AGBL4: variants seen among roughly 807,000 people sequenced by gnomAD.
AGBL4 encodes the protein AGBL carboxypeptidase 4.
AGBL4 carries 58 observed loss-of-function variants against 66.4 expected under a neutral mutation model. That is an observed-to-expected ratio of 0.87 (90% CI 0.71 to 1.09). AGBL4 has a LOEUF of 1.09. Among genes scored for constraint, AGBL4 ranks in the 50% least tolerant of loss-of-function variants. AGBL4 has a pLI of 0.00. For synonymous variants in AGBL4, 234 were observed against 222.9 expected (o/e 1.05, Z -0.44); for missense variants, 579 against 631.0 (o/e 0.92, Z 0.88).
At chr1:48,546,096 A>AT (rs962725853) in intron 11 of AGBL4, among the ~76,000 whole-genome samples, 109 of 152,082 alleles carry the variant, frequency 7.2e-4, no homozygotes, top group African/African-American at 2.5e-3. Context: ...AGCAGGAACT[A>AT]TTTTTTTTAG....
chr1:48,599,503 G>A (rs1311741154), intron 9 of AGBL4, among the ~76,000 whole-genome samples: 2 of 152,212 alleles, frequency 1.3e-5, no homozygotes, highest in African/African-American at 4.8e-5. Flanking sequence ...GACCACCATT[G>A]TACATGTGGT....
chr1:49,515,169 A>G (rs1278876186), intron 3 of AGBL4, among the ~76,000 whole-genome samples: 1 of 152,118 alleles, frequency 6.6e-6, no homozygotes, highest in Non-Finnish European at 1.5e-5. Context: ...AGAATCTACA[A>G]TGAACTCAAA....
intron 2 of AGBL4, among the ~76,000 whole-genome samples, chr1:49,750,195 C>T (rs1375799157): frequency 6.6e-6 from 1 of 151,966 alleles, no homozygotes; most frequent in Admixed American, 6.6e-5. Context: ...AGCGGTATTA[C>T]CTAGGTTTTC....
chr1:49,235,786 A>G (rs75041001), intron 4 of AGBL4, among the ~76,000 whole-genome samples: 134 of 152,236 alleles, frequency 8.8e-4, no homozygotes, highest in African/African-American at 2.7e-3. Context: ...AGAGCACAGT[A>G]TGAAAATCAT....
Position 49,844,842 on chromosome 1 carries a change from T to C in AGBL4, c.157+6554A>G, listed in dbSNP as rs745686106. Reference sequence around the variant, plus strand: ...ACACTGTGGGCCACTGGGAATGGAGTTGTGAGAGCCTAGAGAGCCTGGCAG... The same window carrying C: ...ACACTGTGGGCCACTGGGAATGGAGCTGTGAGAGCCTAGAGAGCCTGGCAG... On this transcript the variant is annotated intron_variant, in intron 2 of 13. Coordinates refer to ENST00000371839, the MANE Select transcript of AGBL4 (RefSeq NM_032785.4). The C allele has an allele frequency of 3.3e-6, 5 of 1,514,414 alleles. 1 individual carries two copies. The East Asian group carries it at 1.1e-4, about 34-fold the overall frequency. 93.8% of individuals were successfully genotyped at this position (1,514,414 alleles called of 1,614,324 possible). A position where few individuals can be genotyped will look rare whatever the true frequency, so the allele number is the denominator to read the frequency against.
chr1:48,686,286 C>T (rs1340327792), intron 6 of AGBL4, among the ~76,000 whole-genome samples: 1 of 152,208 alleles, frequency 6.6e-6, no homozygotes, highest in Admixed American at 6.5e-5. Flanking sequence ...GGCTTACTTC[C>T]TCTGCTGAAG....
chr1:49,326,167 T>C (rs2148483817), intron 3 of AGBL4, among the ~76,000 whole-genome samples: 1 of 152,348 alleles, frequency 6.6e-6, no homozygotes, highest in South Asian at 2.1e-4. Flanking sequence ...GTCTTTCTTG[T>C]GGTCCAGGTC....
intron 4 of AGBL4, among the ~76,000 whole-genome samples, chr1:49,119,737 A>G (rs1205228077): frequency 6.6e-6 from 1 of 152,178 alleles, no homozygotes; most frequent in African/African-American, 2.4e-5. Context: ...AGCTGAGTCC[A>G]AGTCCTGGAT....
At chr1:49,478,379 C>G (rs1646887527) in intron 3 of AGBL4, among the ~76,000 whole-genome samples, 1 of 151,838 alleles carries the variant, frequency 6.6e-6, no homozygotes. Flanking sequence ...ATAAGGAATT[C>G]CAATATGTCT....
intron 5 of AGBL4, among the ~76,000 whole-genome samples, chr1:49,035,179 C>A (rs970143115): frequency 7.2e-5 from 11 of 152,058 alleles, no homozygotes; most frequent in African/African-American, 2.7e-4. Context: ...TTACTTTGGA[C>A]ACATCCTCCA....
At chr1:49,973,854 C>T (rs1030772914) in intron 1 of AGBL4, among the ~76,000 whole-genome samples, 4 of 151,424 alleles carry the variant, frequency 2.6e-5, no homozygotes, top group Admixed American at 2.6e-4. Flanking sequence ...ATTTTCTGTA[C>T]TGAGGATTTT....
chr1:48,936,540 C>T (rs1655493887), intron 5 of AGBL4, among the ~76,000 whole-genome samples: 1 of 152,114 alleles, frequency 6.6e-6, no homozygotes, highest in South Asian at 2.1e-4. Flanking sequence ...CCACACAGCT[C>T]AGAAGAACTG....
At chr1:48,686,882 C>G (rs1195185534) in intron 6 of AGBL4, among the ~76,000 whole-genome samples, 1 of 152,238 alleles carries the variant, frequency 6.6e-6, no homozygotes, top group Non-Finnish European at 1.5e-5. Context: ...CTGAGTGACT[C>G]TGGAGATACT....
chr1:49,156,309 G>A (rs1449835566), intron 4 of AGBL4, among the ~76,000 whole-genome samples: 4 of 152,186 alleles, frequency 2.6e-5, no homozygotes, highest in Non-Finnish European at 5.9e-5. Context: ...GCTATTGAAT[G>A]TAAATGTCCA....
At chr1:48,679,907 C>T (rs967459686) in intron 6 of AGBL4, among the ~76,000 whole-genome samples, 2 of 152,254 alleles carry the variant, frequency 1.3e-5, no homozygotes, top group Non-Finnish European at 2.9e-5. Context: ...GCTCACGGTG[C>T]TTAGTAACTG....
intron 1 of AGBL4, among the ~76,000 whole-genome samples, chr1:50,004,097 T>C (rs1660959953): frequency 1.3e-5 from 2 of 152,194 alleles, no homozygotes; most frequent in Admixed American, 1.3e-4. Context: ...AGAAGCCACA[T>C]GGCACAGAAA....
At chr1:48,545,954 C>T (rs1003768098) in intron 11 of AGBL4, among the ~76,000 whole-genome samples, 1 of 152,190 alleles carries the variant, frequency 6.6e-6, no homozygotes, top group African/African-American at 2.4e-5. Flanking sequence ...CATGTGTATA[C>T]TGCTATGAAG....
At chr1:48,544,743 G>T (rs1277785849) in intron 11 of AGBL4, among the ~76,000 whole-genome samples, 2 of 152,092 alleles carry the variant, frequency 1.3e-5, no homozygotes, top group African/African-American at 4.8e-5. Context: ...TGAGACTACA[G>T]AAAAAGAGAA....
intron 6 of AGBL4, among the ~76,000 whole-genome samples, chr1:48,689,976 C>T (rs1330128461): frequency 6.6e-6 from 1 of 152,206 alleles, no homozygotes; most frequent in Non-Finnish European, 1.5e-5. Flanking sequence ...TCTGAGCCAA[C>T]CCTCCTTCCT....
Sources: allele counts gnomAD v4.1 joint callset (sites outside exome capture counted in the v4.1 genomes callset), GRCh38; gene constraint gnomAD v4.1.1; transcripts MANE v1.5; gene names NCBI Gene and HGNC (gene_info 2026-07-23, HGNC 2026-07-21).